UTRN: variants seen among roughly 807,000 people sequenced by gnomAD.
UTRN encodes the protein utrophin.
UTRN carries 283 observed loss-of-function variants against 463.9 expected under a neutral mutation model. That is an observed-to-expected ratio of 0.61 (90% CI 0.55 to 0.67). UTRN has a LOEUF of 0.67. Ranked by LOEUF, UTRN falls within the 30% of genes least tolerant of loss-of-function variation. The pLI is 0.00. For synonymous variants in UTRN, 1,442 were observed against 1,431.5 expected (o/e 1.01, Z -0.17); for missense variants, 3,922 against 4,084.3 (o/e 0.96, Z 1.08).
At chr6:144,524,163 A>G (rs771491280) in intron 41 of UTRN, among the ~76,000 whole-genome samples, 32 of 152,172 alleles carry the variant, frequency 2.1e-4, no homozygotes, top group Non-Finnish European at 3.4e-4. Flanking sequence ...CTAATCCTTG[A>G]AAAGATAGCT....
chr6:144,721,214 CTGT>C (rs1345113166), intron 53 of UTRN, among the ~76,000 whole-genome samples: 3 of 152,064 alleles, frequency 2.0e-5, no homozygotes, highest in South Asian at 2.1e-4. Flanking sequence ...CCCTTTGTTG[CTGT>C]TGTTGTTGTT....
chr6:144,300,656 C>G (rs1475715706), intron 2 of UTRN, among the ~76,000 whole-genome samples: 2 of 152,122 alleles, frequency 1.3e-5, no homozygotes, highest in Non-Finnish European at 2.9e-5. Context: ...TTTAATGAGA[C>G]CTGCTCCTCA....
intron 52 of UTRN, among the ~76,000 whole-genome samples, chr6:144,696,009 T>A (rs1256572765): frequency 6.6e-6 from 1 of 152,164 alleles, no homozygotes; most frequent in African/African-American, 2.4e-5. Context: ...AAAACAGAGT[T>A]CAAAGATAAA....
intron 51 of UTRN, among the ~76,000 whole-genome samples, chr6:144,578,549 G>T (rs1331456862): frequency 6.6e-6 from 1 of 152,132 alleles, no homozygotes; most frequent in African/African-American, 2.4e-5. Flanking sequence ...TGGCCAGGCT[G>T]GTCTCAAACT....
chr6:144,554,181 G>T (rs1308409350), intron 48 of UTRN, among the ~76,000 whole-genome samples: 2 of 152,016 alleles, frequency 1.3e-5, no homozygotes, highest in African/African-American at 4.8e-5. Context: ...TCCTTTTAGA[G>T]AGTTTTCCTG....
intron 2 of UTRN, among the ~76,000 whole-genome samples, chr6:144,306,385 T>G (rs1220809508): frequency 6.6e-6 from 1 of 151,902 alleles, no homozygotes; most frequent in South Asian, 2.1e-4. Flanking sequence ...AAAACTGAGA[T>G]TGAGGTAGCT....
At chr6:144,368,547 G>A (rs1208885241) in intron 2 of UTRN, among the ~76,000 whole-genome samples, 1 of 151,984 alleles carries the variant, frequency 6.6e-6, no homozygotes, top group Non-Finnish European at 1.5e-5. Flanking sequence ...CGAGGTAGGC[G>A]GATTGCCTGA....
intron 51 of UTRN, among the ~76,000 whole-genome samples, chr6:144,609,121 ACT>A (rs1376232673): frequency 2.0e-5 from 3 of 152,174 alleles, no homozygotes; most frequent in African/African-American, 7.2e-5. Flanking sequence ...AATAGATTAA[ACT>A]CTCTATTATA....
intron 53 of UTRN, among the ~76,000 whole-genome samples, chr6:144,707,372 C>G (rs1785200465): frequency 6.6e-6 from 1 of 152,186 alleles, no homozygotes; most frequent in Non-Finnish European, 1.5e-5. Flanking sequence ...TCTAGACCAT[C>G]TCTGTTCCAT....
chr6:144,732,858 A>G (rs553842458), intron 54 of UTRN, among the ~76,000 whole-genome samples: 35 of 151,996 alleles, frequency 2.3e-4, no homozygotes, highest in Non-Finnish European at 4.3e-4. Flanking sequence ...TGAGACTACC[A>G]CAGACTATCT....
rs1002802444 is a variant in UTRN, at chr6:144,554,769, A to G, written c.7010A>G (p.Asp2337Gly). Residue 2337 changes from aspartate to glycine, a missense_variant, in exon 49 of 75, where the codon GAC becomes GGC. This residue lies in a region of UTRN where 1,309 missense variants were observed against 1,452.6 expected (regional missense o/e 0.90). Coordinates refer to ENST00000367545, the MANE Select transcript of UTRN (RefSeq NM_007124.3). ...RQQQLEDMII[D>G]SLQWDDHREE... is the part of the protein sequence containing the mutation. ...CAGCAGCTTGAGGACATGATTATTG[A>G]CAGTCTTCAGTGGGATGACCATAGG... 3 of 1,614,022 alleles carry G rather than the reference A, an allele frequency of 1.9e-6. No individual in the cohort carries two copies. The highest frequency in any genetic ancestry group is 2.5e-6 in the Non-Finnish European group (3 of 1,179,984).
intron 2 of UTRN, among the ~76,000 whole-genome samples, chr6:144,342,249 G>T (rs180992646): frequency 6.6e-6 from 1 of 152,148 alleles, no homozygotes; most frequent in Non-Finnish European, 1.5e-5. Flanking sequence ...GAATGTAAAA[G>T]GATGCAACTT....
intron 2 of UTRN, among the ~76,000 whole-genome samples, chr6:144,295,539 T>C (rs1804603956): frequency 6.6e-6 from 1 of 152,272 alleles, no homozygotes; most frequent in South Asian, 2.1e-4. Flanking sequence ...CAAGCGACCT[T>C]GGGCTGGAAG....
At chr6:144,492,463 G>A (rs900559408) in intron 32 of UTRN, among the ~76,000 whole-genome samples, 7 of 152,172 alleles carry the variant, frequency 4.6e-5, no homozygotes, top group African/African-American at 1.2e-4. Flanking sequence ...GCTATTGTGT[G>A]TAGTGGTGTG....
At chr6:144,469,745 C>G (rs567492568) in intron 23 of UTRN, among the ~76,000 whole-genome samples, 1 of 133,092 alleles carries the variant, frequency 7.5e-6, no homozygotes, top group Non-Finnish European at 1.6e-5. Flanking sequence ...GGGTGTTTCT[C>G]GGAGAGGGGG....
intron 15 of UTRN, 111 bp from the exon 16 acceptor site, chr6:144,447,491 C>T: frequency 1.5e-6 from 2 of 1,369,908 alleles, no homozygotes; most frequent in Non-Finnish European, 2.0e-6. Flanking sequence ...TAGTGAACTG[C>T]AAAGCATGTA....
At chr6:144,847,698 G>A (rs144969896) in intron 74 of UTRN, among the ~76,000 whole-genome samples, 151 of 152,254 alleles carry the variant, frequency 9.9e-4, no homozygotes, top group Non-Finnish European at 1.9e-3. Context: ...CTCTGTTTTA[G>A]GGTAAAGATT....
At chr6:144,334,563 T>C (rs1371978974) in intron 2 of UTRN, among the ~76,000 whole-genome samples, 4 of 152,180 alleles carry the variant, frequency 2.6e-5, no homozygotes, top group African/African-American at 7.2e-5. Context: ...CAGCAGCTGC[T>C]GCCGCCACCT....
intron 54 of UTRN, among the ~76,000 whole-genome samples, chr6:144,739,130 A>T (rs558498776): frequency 3.3e-5 from 5 of 152,302 alleles, no homozygotes; most frequent in African/African-American, 9.6e-5. Flanking sequence ...TATGGTATGT[A>T]ATATTTAACT....
Sources: allele counts gnomAD v4.1 joint callset (sites outside exome capture counted in the v4.1 genomes callset), GRCh38; gene constraint gnomAD v4.1.1; regional missense constraint gnomAD v4.1.1; transcripts MANE v1.5; gene names NCBI Gene and HGNC (gene_info 2026-07-23, HGNC 2026-07-21).